Variants in EYS observed in about 807,000 individuals in gnomAD.
EYS encodes protein eyes shut homolog.
Under a neutral mutation model 282.1 loss-of-function variants are expected in EYS, and 250 were observed. The observed-to-expected ratio is 0.89, with a 90% confidence interval of 0.80 to 0.98. EYS has a LOEUF of 0.98. Ranked by LOEUF, EYS falls within the 50% of genes least tolerant of loss-of-function variation. EYS has a pLI of 0.00. For missense variants in EYS, 4,016 were observed against 3,709.0 expected (o/e 1.08, Z -2.15); for synonymous variants, 1,355 against 1,282.9 (o/e 1.06, Z -1.20).
chr6:64,098,462 C>G (rs1336668131), intron 31 of EYS, among the ~76,000 whole-genome samples: 1 of 152,024 alleles, frequency 6.6e-6, no homozygotes, highest in African/African-American at 2.4e-5. Context: ...ATAAAATAAT[C>G]CTATCTATTA....
At chr6:65,063,015 C>T (rs146823009) in intron 12 of EYS, among the ~76,000 whole-genome samples, 40 of 151,916 alleles carry the variant, frequency 2.6e-4, no homozygotes, top group East Asian at 9.7e-4. Context: ...TAGTTCACAG[C>T]GCAAAGTTGG....
chr6:65,191,988 A>G (rs1419517098), intron 12 of EYS, among the ~76,000 whole-genome samples: 1 of 150,480 alleles, frequency 6.6e-6, no homozygotes, highest in Non-Finnish European at 1.5e-5. Flanking sequence ...CAAAATATCT[A>G]TTGCTTTTGA....
chr6:64,652,387 G>T (rs1418656169), intron 22 of EYS, among the ~76,000 whole-genome samples: 2 of 152,126 alleles, frequency 1.3e-5, no homozygotes, highest in African/African-American at 4.8e-5. Context: ...TTTGCATTGT[G>T]AACAAGGGGG....
chr6:63,825,431 G>A (rs529660420), intron 36 of EYS, among the ~76,000 whole-genome samples: 2 of 152,170 alleles, frequency 1.3e-5, no homozygotes, highest in African/African-American at 2.4e-5. Context: ...TGGGCAAGAG[G>A]CCAAGCAGCA....
At chr6:64,898,812 G>A (rs1376092394) in intron 18 of EYS, among the ~76,000 whole-genome samples, 2 of 151,160 alleles carry the variant, frequency 1.3e-5, no homozygotes, top group African/African-American at 4.9e-5. Context: ...TACAATCCTA[G>A]TCTCTGACAA....
chr6:65,145,281 A>C (rs1242662804), intron 12 of EYS, among the ~76,000 whole-genome samples: 1 of 148,008 alleles, frequency 6.8e-6, no homozygotes, highest in Non-Finnish European at 1.5e-5. Flanking sequence ...TTCAACATAT[A>C]TTGTTACTAT....
At chr6:63,722,965 T>C (rs1362425560) in intron 42 of EYS, among the ~76,000 whole-genome samples, 1 of 152,234 alleles carries the variant, frequency 6.6e-6, no homozygotes, top group African/African-American at 2.4e-5. Flanking sequence ...CTTTATCCAC[T>C]AGGTTGTAAG....
chr6:64,993,882 CGT>C (rs1249764116), intron 14 of EYS, among the ~76,000 whole-genome samples: 11 of 146,862 alleles, frequency 7.5e-5, no homozygotes, highest in Non-Finnish European at 9.0e-5. Context: ...CTGTAGTATA[CGT>C]GTGTGTGTGT....
At chr6:64,544,880 T>C (rs577951526) in intron 26 of EYS, among the ~76,000 whole-genome samples, 87 of 152,056 alleles carry the variant, frequency 5.7e-4, no homozygotes, top group Non-Finnish European at 1.1e-3. Flanking sequence ...CCATAATTAA[T>C]AGCTTACCAA....
intron 33 of EYS, among the ~76,000 whole-genome samples, chr6:64,060,077 G>T (rs1363844158): frequency 6.6e-6 from 1 of 152,032 alleles, no homozygotes; most frequent in Non-Finnish European, 1.5e-5. Context: ...ATATCTTATA[G>T]ATTTAGCACA....
chr6:65,636,003 T>C (rs184645084), intron 2 of EYS, among the ~76,000 whole-genome samples: 3 of 152,212 alleles, frequency 2.0e-5, no homozygotes, highest in Non-Finnish European at 2.9e-5. Flanking sequence ...CAACCCCATC[T>C]TCTGTGTAGT....
chr6:64,412,953 G>A (rs1381181714), intron 28 of EYS, among the ~76,000 whole-genome samples: 4 of 152,182 alleles, frequency 2.6e-5, no homozygotes, highest in South Asian at 2.1e-4. Context: ...TAATTTAGCC[G>A]AATTTATGAT....
intron 2 of EYS, among the ~76,000 whole-genome samples, chr6:65,518,820 G>T (rs553824893): frequency 6.6e-6 from 1 of 152,162 alleles, no homozygotes; most frequent in South Asian, 2.1e-4. Flanking sequence ...ATCAGGTCTT[G>T]CAGTCCCCTT....
At chr6:64,244,155 G>T (rs1031802379) in intron 30 of EYS, among the ~76,000 whole-genome samples, 3 of 152,034 alleles carry the variant, frequency 2.0e-5, no homozygotes, top group South Asian at 2.1e-4. Flanking sequence ...ATCTGGTATA[G>T]AATTTTTTAC....
rs140397761 is a variant in EYS at position 64,334,798 on chromosome 6, A to T, written c.6079-27716T>A. 3.2e-4 allele frequency among the ~76,000 whole-genome samples: 48 copies of T among 152,296 alleles called. No individual in the cohort carries two copies. The East Asian group carries it at 9.1e-3, about 29-fold the overall frequency. On this transcript the variant is annotated intron_variant, in intron 29 of 42. Coordinates refer to ENST00000503581, the MANE Select transcript of EYS (RefSeq NM_001142800.2). ...TGACAATGGAAAAGCTGTCATGGAA[A>T]TCACTGCCAGGAAGCAGAAGTTAGC...
At chr6:64,047,283 T>C (rs1050749011) in intron 33 of EYS, among the ~76,000 whole-genome samples, 2 of 152,064 alleles carry the variant, frequency 1.3e-5, no homozygotes, top group African/African-American at 4.8e-5. Flanking sequence ...GAGGTTGTTA[T>C]TAAAAATGAT....
chr6:64,906,290 A>C (rs1032591845), intron 16 of EYS, among the ~76,000 whole-genome samples: 3 of 151,928 alleles, frequency 2.0e-5, no homozygotes, highest in African/African-American at 7.2e-5. Flanking sequence ...AAAAAAGAAG[A>C]GCTAATATTT....
At chr6:65,248,215 C>T (rs1340565786) in intron 12 of EYS, among the ~76,000 whole-genome samples, 1 of 151,932 alleles carries the variant, frequency 6.6e-6, no homozygotes, top group Non-Finnish European at 1.5e-5. Context: ...ATTGAGATTG[C>T]CATAACCATT....
In EYS at chr6:64,912,581, T is replaced by C. The variant is rs1417509075; in HGVS notation, c.2544A>G (p.Gln848=). The C allele has an allele frequency of 1.9e-6, 3 of 1,551,320 alleles. No individual in the cohort carries two copies. Among genetic ancestry groups the C allele is most frequent in the Non-Finnish European group, 1.7e-6 (2 of 1,146,724 alleles). ...GAAGTAGGTCACAAAGGTTATAGCG[T>C]TGGTGGCAAAATTGTCCAGTATAAA... ...PPLYTGQFCH[Q]RYNLCDLLHN... The change falls in exon 16 of 43, where the codon CAA becomes CAG. Residue 848 remains glutamine (Q), a synonymous_variant. Coordinates refer to ENST00000503581, the MANE Select transcript of EYS (RefSeq NM_001142800.2).
Sources: gnomAD v4.1 joint callset for allele counts (sites outside exome capture counted in the v4.1 genomes callset) on GRCh38, gnomAD v4.1.1 for gene constraint, MANE v1.5 for transcripts, NCBI Gene and HGNC (gene_info 2026-07-23, HGNC 2026-07-21) for gene names.